Variants in PRKD1 observed in about 807,000 individuals in gnomAD.
PRKD1 encodes the protein serine/threonine-protein kinase D1.
PRKD1 carries 63 observed loss-of-function variants against 95.9 expected under a neutral mutation model. The observed-to-expected ratio is 0.66, with a 90% CI of 0.54 to 0.81. The LOEUF is 0.81. Ranked by LOEUF, PRKD1 falls within the 30% of genes least tolerant of loss-of-function variation. The probability of loss-of-function intolerance (pLI) is 0.00; values close to 1 mark genes in which losing one functional copy is unlikely to be tolerated. For missense variants in PRKD1, 1,048 were observed against 1,165.3 expected, an observed-to-expected ratio of 0.90 and a Z score of 1.47; for synonymous variants, 425 against 423.1, an observed-to-expected ratio of 1.00 and a Z score of -0.05.
At chr14:29,812,669 T>G (rs757848753) in intron 1 of PRKD1, among the ~76,000 whole-genome samples, 4 of 152,158 alleles carry the variant, frequency 2.6e-5, no homozygotes, top group African/African-American at 7.2e-5. Context: ...TTGTGAGAAC[T>G]CACTCACTAT....
At position 29,634,555 on chromosome 14, in the gene PRKD1, A is replaced by C. The variant is rs1295968178; in HGVS notation, c.1191-14T>G. Reference sequence around the variant, plus strand: ...CTTGTTGATGGACTTGAGAAGTCAAAATATTGTAGGGAAAAAATGTTTTCA... The same window carrying C: ...CTTGTTGATGGACTTGAGAAGTCAACATATTGTAGGGAAAAAATGTTTTCA... On this transcript the variant is annotated splice_polypyrimidine_tract_variant and intron_variant, in intron 7 of 17. Transcript: ENST00000331968. The C allele has an allele frequency of 6.2e-7, 1 of 1,613,774 alleles. No individual in the cohort carries two copies. The highest frequency in any genetic ancestry group is 8.5e-7 in the Non-Finnish European group (1 of 1,179,772).
chr14:29,665,940 T>C, intron 3 of PRKD1, 137 bp downstream of exon 3: 1 of 912,450 alleles, frequency 1.1e-6, no homozygotes, highest in Non-Finnish European at 1.6e-6. Context: ...TATATGTATA[T>C]ATGTACCACA....
In PRKD1 at chr14:29,636,511, A is replaced by G. The variant is rs772812724; in HGVS notation, c.986-17T>C. 1 of 1,613,510 alleles carries G rather than the reference A, an allele frequency of 6.2e-7. No individual in the cohort carries two copies. The highest frequency in any genetic ancestry group is 1.1e-5 in the South Asian group (1 of 91,074). On this transcript the variant is annotated splice_polypyrimidine_tract_variant and intron_variant, in intron 6 of 17. Transcript: ENST00000331968. ...TAAGCAAATCTAGAAAATTATTTTCACCCATGAAGATAAGCCTGGAATCTT... is the reference window on the plus strand; with the variant it reads ...TAAGCAAATCTAGAAAATTATTTTCGCCCATGAAGATAAGCCTGGAATCTT...
chr14:29,612,243 GTT>G (rs1655853177), intron 13 of PRKD1, among the ~76,000 whole-genome samples: 1 of 152,124 alleles, frequency 6.6e-6, no homozygotes, highest in African/African-American at 2.4e-5. Context: ...AATTAAACAA[GTT>G]TTCAATTATG....
chr14:29,725,458 C>T, intron 2 of PRKD1, 78 bp downstream of exon 2: 2 of 1,511,890 alleles, frequency 1.3e-6, no homozygotes, highest in South Asian at 1.2e-5. Flanking sequence ...TTTATGTTTC[C>T]TTAAAAACAT....
At chr14:29,843,077 C>T (rs1891927503) in intron 1 of PRKD1, among the ~76,000 whole-genome samples, 2 of 152,168 alleles carry the variant, frequency 1.3e-5, no homozygotes, top group Admixed American at 6.5e-5. Flanking sequence ...GTCCTAACTC[C>T]TAGTACCTCA....
intron 1 of PRKD1, among the ~76,000 whole-genome samples, chr14:29,735,247 A>T (rs1418420970): frequency 6.6e-6 from 1 of 152,224 alleles, no homozygotes; most frequent in East Asian, 1.9e-4. Context: ...TTTTTAGGAT[A>T]AGCAATAAAA....
chr14:29,777,375 C>G (rs190578996), intron 1 of PRKD1, among the ~76,000 whole-genome samples: 19 of 152,266 alleles, frequency 1.2e-4, no homozygotes, highest in African/African-American at 4.1e-4. Flanking sequence ...CAAGACCCAT[C>G]AGTGTGCTGT....
chr14:29,859,321 G>A (rs1340228411), intron 1 of PRKD1, among the ~76,000 whole-genome samples: 2 of 143,620 alleles, frequency 1.4e-5, no homozygotes, highest in Non-Finnish European at 3.1e-5. Context: ...AATACAAAAA[G>A]AAATTAGCCA....
chr14:29,741,838 T>G (rs1886992767), intron 1 of PRKD1, among the ~76,000 whole-genome samples: 1 of 151,980 alleles, frequency 6.6e-6, no homozygotes, highest in Admixed American at 6.5e-5. Flanking sequence ...TAACCTATAT[T>G]CAGTGACAAA....
rs1222132025 is a variant in PRKD1 at position 29,679,726 on chromosome 14, T to C, written c.404-13518A>G. 6.3e-4 allele frequency among the ~76,000 whole-genome samples: 23 copies of C among 36,682 alleles called. 1 individual carries two copies. The highest frequency in any genetic ancestry group is 3.8e-3 in the Admixed American group (16 of 4,162). The allele number at this position is 36,682 out of a possible 152,430, so 24.1% of individuals were successfully genotyped here. A position where few individuals can be genotyped will look rare whatever the true frequency, so the allele number is the denominator to read the frequency against. On this transcript the variant is annotated intron_variant, in intron 2 of 17. Transcript: ENST00000331968. ...TAAAAGATGAAGGAAGGTACAAATC[T>C]TTTTTTTTTTTTTTTTTCTGATCTG... is the stretch of plus-strand genomic sequence containing the variant.
rs114687869 is a variant in PRKD1 at position 29,659,587 on chromosome 14, G to A, written c.696+4112C>T. 5.4e-3 allele frequency among the ~76,000 whole-genome samples: 815 copies of A among 152,208 alleles called. 14 individuals carry two copies. Among genetic ancestry groups the A allele is most frequent in the African/African-American group, 0.018 (756 of 41,540 alleles). Reference sequence around the variant, plus strand: ...TTTGGGCCAATATACAATCCCAGTAGTAGTGTATGTAAGTTTAGTTGCTCA... The same window carrying A: ...TTTGGGCCAATATACAATCCCAGTAATAGTGTATGTAAGTTTAGTTGCTCA... On this transcript the variant is annotated intron_variant, in intron 4 of 17. Coordinates refer to ENST00000331968, the MANE Select transcript of PRKD1 (RefSeq NM_002742.3).
intron 1 of PRKD1, among the ~76,000 whole-genome samples, chr14:29,815,993 G>A (rs545866658): frequency 6.6e-6 from 1 of 152,282 alleles, no homozygotes; most frequent in East Asian, 1.9e-4. Flanking sequence ...GCCGAGGTGG[G>A]CGGATCACAA....
At chr14:29,795,734 T>A (rs544281090) in intron 1 of PRKD1, among the ~76,000 whole-genome samples, 6 of 152,256 alleles carry the variant, frequency 3.9e-5, no homozygotes, top group African/African-American at 1.4e-4. Context: ...AGACTTAGAA[T>A]GCAAAATGTT....
intron 1 of PRKD1, among the ~76,000 whole-genome samples, chr14:29,903,390 G>A (rs1186621351): frequency 1.3e-5 from 2 of 152,174 alleles, no homozygotes; most frequent in African/African-American, 2.4e-5. Context: ...GGGACAGAAT[G>A]TATGTTCTTC....
chr14:29,819,035 C>T (rs932366984), intron 1 of PRKD1, among the ~76,000 whole-genome samples: 7 of 151,876 alleles, frequency 4.6e-5, no homozygotes, highest in African/African-American at 1.7e-4. Flanking sequence ...TTCAAAAAGT[C>T]AATGTCAGAA....
At chr14:29,674,746 T>C (rs1883057177) in intron 2 of PRKD1, among the ~76,000 whole-genome samples, 1 of 152,184 alleles carries the variant, frequency 6.6e-6, no homozygotes, top group Admixed American at 6.5e-5. Context: ...CCTTTAAACT[T>C]CTTACAAAAG....
chr14:29,757,992 C>T (rs7141487), intron 1 of PRKD1, among the ~76,000 whole-genome samples: 33,884 of 151,870 alleles, frequency 0.22, 3,991 homozygotes, highest in African/African-American at 0.27. Flanking sequence ...GGAGGAATAG[C>T]AGACATAGGG....
At chr14:29,598,899 T>C (rs1191543717) in intron 15 of PRKD1, 128 bp downstream of exon 15, 9 of 830,358 alleles carry the variant, frequency 1.1e-5, no homozygotes, top group Non-Finnish European at 1.7e-5. Context: ...AACAAATGAA[T>C]AAAAATGGAT....
Sources: allele counts gnomAD v4.1 joint callset (sites outside exome capture counted in the v4.1 genomes callset), GRCh38; gene constraint gnomAD v4.1.1; transcripts MANE v1.5; gene names NCBI Gene and HGNC (gene_info 2026-07-23, HGNC 2026-07-21).